RMDN1: variants seen among roughly 807,000 people sequenced by gnomAD.
RMDN1 encodes the protein regulator of microtubule dynamics protein 1.
RMDN1 carries 48 observed loss-of-function variants against 48.9 expected under a neutral mutation model. The observed-to-expected ratio is 0.98, with a 90% CI of 0.78 to 1.25. The LOEUF is 1.25. RMDN1 is among the 50% of genes most tolerant of loss of function. The probability of loss-of-function intolerance (pLI) is 0.00; values close to 1 mark genes in which losing one functional copy is unlikely to be tolerated. For missense variants in RMDN1, 418 were observed against 373.4 expected, an observed-to-expected ratio of 1.12 and a Z score of -0.98; for synonymous variants, 148 against 132.6, an observed-to-expected ratio of 1.12 and a Z score of -0.80.
At chr8:86,485,101 G>T in intron 4 of RMDN1, 140 bp from the exon 5 acceptor site, 2 of 531,374 alleles carry the variant, frequency 3.8e-6, no homozygotes. Context: ...AAATGTAATG[G>T]AATATATAAA....
intron 2 of RMDN1, 46 bp downstream of exon 2, chr8:86,506,949 C>A: frequency 1.1e-6 from 1 of 944,694 alleles, no homozygotes. Context: ...TGAATGTACG[C>A]ACACAAAAAA....
intron 3 of RMDN1, among the ~76,000 whole-genome samples, chr8:86,487,711 G>C (rs1815716803): frequency 2.6e-5 from 4 of 151,570 alleles, no homozygotes; most frequent in Admixed American, 2.6e-4. Context: ...AATTAAGATA[G>C]TTATCATTCA....
rs1016809558 is a variant in RMDN1, at chr8:86,503,580, G to A, written c.247+3415C>T. 7.8e-5 allele frequency: 33 copies of A among 421,980 alleles called. 1 individual carries two copies. Among genetic ancestry groups the A allele is most frequent in the South Asian group, 5.1e-4 (25 of 48,694 alleles). The allele number at this position is 421,980 out of a possible 1,614,324, so 26.1% of individuals were successfully genotyped here. A position where few individuals can be genotyped will look rare whatever the true frequency, so the allele number is the denominator to read the frequency against. On this transcript the variant is annotated intron_variant, in intron 2 of 9. Transcript: ENST00000406452. Reference sequence around the variant, plus strand: ...GAAAAGAATTAGATTAGGACCATGCGGACACAGAAGGTCACCCCAGCTCTG... The same window carrying A: ...GAAAAGAATTAGATTAGGACCATGCAGACACAGAAGGTCACCCCAGCTCTG...
chr8:86,488,749 A>T (rs1815940667), intron 2 of RMDN1, 110 bp from the exon 3 acceptor site: 1 of 602,676 alleles, frequency 1.7e-6, no homozygotes, highest in Non-Finnish European at 2.7e-6. Flanking sequence ...ATGAAATTAG[A>T]TACAGAAATG....
At position 86,503,371 on chromosome 8, in the gene RMDN1, CAAAAA is replaced by C. The variant is rs1182231210; in HGVS notation, c.247+3619_247+3623del. Among the ~76,000 whole-genome samples the C allele has an allele frequency of 1.0e-4, 7 of 68,008 alleles. 1 individual carries two copies. Among genetic ancestry groups the C allele is most frequent in the South Asian group, 4.5e-4 (1 of 2,230 alleles). 44.6% of individuals were successfully genotyped at this position (68,008 alleles called of 152,430 possible). The stretch of plus-strand genomic sequence containing the variant: ...CGTCTCAAAACAAAACAAAACAAAA[CAAAAA>C]AAAAAAAAAAAAACAAAAAAAAATA... On this transcript the variant is annotated intron_variant, in intron 2 of 9. Transcript: ENST00000406452.
At chr8:86,483,370 T>C (rs1280147954) in intron 5 of RMDN1, among the ~76,000 whole-genome samples, 1 of 152,152 alleles carries the variant, frequency 6.6e-6, no homozygotes, top group East Asian at 1.9e-4. Flanking sequence ...TATTTCTACA[T>C]CCTGAGGCAC....
rs1349129651 is a variant in RMDN1 at position 86,479,141 on chromosome 8, C to G, written c.642-131G>C. On this transcript the variant is annotated intron_variant, in intron 6 of 9. Transcript: ENST00000406452. ...AAACAACTTGTGCTTTACATGATAT[C>G]TACTAGGTAATCCAGAGATTGACAT... 10 of 638,118 alleles carry G rather than the reference C, an allele frequency of 1.6e-5. No homozygotes were observed. In the African/African-American group the frequency reaches 1.8e-4, roughly 12 times the overall value. 39.5% of individuals were successfully genotyped at this position (638,118 alleles called of 1,614,324 possible).
chr8:86,485,210 C>CT (rs1438599474), intron 4 of RMDN1, among the ~76,000 whole-genome samples: 2 of 152,162 alleles, frequency 1.3e-5, no homozygotes, highest in African/African-American at 4.8e-5. Flanking sequence ...GATGGATCAC[C>CT]TGAGGTCAGG....
At chr8:86,509,616 A>C (rs998272066), upstream of RMDN1, among the ~76,000 whole-genome samples, 9 of 152,194 alleles carry the variant, frequency 5.9e-5, no homozygotes, top group African/African-American at 2.2e-4. Flanking sequence ...AGTCGTATTG[A>C]TCTTCCGAAC....
chr8:86,474,444 A>G (rs1160437361), intron 9 of RMDN1, 86 bp from the exon 10 acceptor site: 1 of 1,122,330 alleles, frequency 8.9e-7, no homozygotes, highest in Non-Finnish European at 1.3e-6. Context: ...TGGGGTTTCT[A>G]AGAGTTTCCA....
At chr8:86,470,494 C>CA, downstream of RMDN1, 1 of 1,127,188 alleles carries the variant, frequency 8.9e-7, no homozygotes, top group Non-Finnish European at 1.1e-6. Context: ...ACCTAACCCT[C>CA]AGAGAGTAAA....
chr8:86,488,157 G>A (rs1315692390), intron 3 of RMDN1, among the ~76,000 whole-genome samples: 1 of 152,080 alleles, frequency 6.6e-6, no homozygotes, highest in Non-Finnish European at 1.5e-5. Flanking sequence ...ACCACTCAAT[G>A]GTGGCATGCA....
chr8:86,512,290 G>A (rs1820083229), upstream of RMDN1, among the ~76,000 whole-genome samples: 1 of 152,102 alleles, frequency 6.6e-6, no homozygotes, highest in Admixed American at 6.5e-5. Context: ...CCAATTAGTG[G>A]TGCCTAAGAA....
chr8:86,507,171 C>G (rs1045824553), intron 1 of RMDN1, 59 bp from the exon 2 acceptor site: 1 of 1,000,106 alleles, frequency 1.0e-6, no homozygotes, highest in African/African-American at 1.6e-5. Context: ...TACTGCTACC[C>G]CAAGCAAAAA....
Position 86,501,597 on chromosome 8 carries a change from C to T in RMDN1, c.247+5398G>A, listed in dbSNP as rs373373379. On this transcript the variant is annotated intron_variant, in intron 2 of 9. Coordinates refer to ENST00000406452, the MANE Select transcript of RMDN1 (RefSeq NM_016033.3). ...CTGAGGTGGGAGAATCACCCGGGCC[C>T]GGGGAGGTAGAGGCTACAGCGAGTT... Among the ~76,000 whole-genome samples, 25 of 151,646 alleles carry T rather than the reference C, an allele frequency of 1.6e-4. No individual in the cohort carries two copies. In the South Asian group the frequency reaches 4.4e-3, roughly 27 times the overall value.
At chr8:86,479,078 AT>A in intron 6 of RMDN1, 68 bp from the exon 7 acceptor site, 1 of 1,125,070 alleles carries the variant, frequency 8.9e-7, no homozygotes, top group Non-Finnish European at 1.3e-6. Flanking sequence ...TTAACTAAGC[AT>A]CTTAATACTA....
upstream of RMDN1, among the ~76,000 whole-genome samples, chr8:86,508,936 G>A (rs2131388656): frequency 6.6e-6 from 1 of 152,186 alleles, no homozygotes; most frequent in African/African-American, 2.4e-5. Context: ...TCATGGTTTG[G>A]GCACAAGGAT....
intron 5 of RMDN1, among the ~76,000 whole-genome samples, chr8:86,484,285 T>C (rs980369603): frequency 2.0e-5 from 3 of 151,568 alleles, no homozygotes; most frequent in African/African-American, 7.3e-5. Context: ...GAGGAGAAAC[T>C]CTCATAGGTA....
downstream of RMDN1, chr8:86,470,352 G>A (rs1479973414): frequency 7.8e-7 from 1 of 1,289,156 alleles, no homozygotes; most frequent in East Asian, 5.6e-5. Flanking sequence ...CTCAGTAATG[G>A]GTCTCACCCT....
Sources: gnomAD v4.1 joint callset for allele counts (sites outside exome capture counted in the v4.1 genomes callset) on GRCh38, gnomAD v4.1.1 for gene constraint, MANE v1.5 for transcripts, NCBI Gene and HGNC (gene_info 2026-07-23, HGNC 2026-07-21) for gene names.